Variants in DCC observed in about 807,000 individuals in gnomAD.
DCC encodes the protein DCC netrin 1 receptor.
A neutral mutation model predicts 172.5 loss-of-function variants in DCC; 58 were observed. The ratio of observed to expected loss-of-function variants is 0.34; its 90% CI spans 0.27 to 0.42. The LOEUF (loss-of-function observed/expected upper bound fraction) is 0.42. Among genes scored for constraint, DCC ranks in the 10% least tolerant of loss-of-function variants. The pLI, the probability that DCC is intolerant of heterozygous loss-of-function variation, is 1.00. For synonymous variants in DCC, 709 were observed against 644.5 expected (o/e 1.10, Z -1.52); for missense variants, 1,740 against 1,791.0 (o/e 0.97, Z 0.51).
rs543752965 is a variant in DCC at position 53,323,320 on chromosome 18, A to G, written c.2164+1163A>G. Among the ~76,000 whole-genome samples the G allele has an allele frequency of 3.1e-4, 47 of 152,212 alleles. 1 individual carries two copies. In the South Asian group the frequency reaches 7.5e-3, roughly 24 times the overall value. On this transcript the variant is annotated intron_variant, in intron 14 of 28. Coordinates refer to ENST00000442544, the MANE Select transcript of DCC (RefSeq NM_005215.4). Reference sequence around the variant, plus strand: ...TCACTATCATTAATGATTTTTCTATAGCCACAAATTTGGTTTTACTAAAAT... The same window carrying G: ...TCACTATCATTAATGATTTTTCTATGGCCACAAATTTGGTTTTACTAAAAT...
intron 3 of DCC, among the ~76,000 whole-genome samples, chr18:52,915,567 G>C (rs558504590): frequency 6.6e-6 from 1 of 152,238 alleles, no homozygotes; most frequent in South Asian, 2.1e-4. Flanking sequence ...CATGGGGCCT[G>C]ATGATAGTTG....
intron 12 of DCC, among the ~76,000 whole-genome samples, chr18:53,245,021 T>C (rs1033306825): frequency 2.0e-5 from 3 of 152,106 alleles, no homozygotes; most frequent in African/African-American, 7.2e-5. Flanking sequence ...GATCTTTAAA[T>C]TTTCTCACTT....
intron 2 of DCC, among the ~76,000 whole-genome samples, chr18:52,795,867 A>G (rs74565407): frequency 0.043 from 6,540 of 151,972 alleles, 220 homozygotes; most frequent in South Asian, 0.16. Context: ...GGACCATGTT[A>G]TTTAATTTCC....
chr18:52,425,664 A>G (rs1348516936), intron 1 of DCC, among the ~76,000 whole-genome samples: 1 of 152,134 alleles, frequency 6.6e-6, no homozygotes, highest in African/African-American at 2.4e-5. Flanking sequence ...CTGAAGTTGA[A>G]TAAGAAAAGA....
At chr18:52,808,117 T>A (rs1489518512) in intron 2 of DCC, among the ~76,000 whole-genome samples, 1 of 152,248 alleles carries the variant, frequency 6.6e-6, no homozygotes, top group Admixed American at 6.5e-5. Context: ...GTATGAGATT[T>A]CACAAGCTTA....
In DCC at chr18:53,193,933, A is replaced by T. The variant is rs552955710; in HGVS notation, c.1574-11283A>T. On this transcript the variant is annotated intron_variant, in intron 9 of 28. Coordinates refer to ENST00000442544, the MANE Select transcript of DCC (RefSeq NM_005215.4). ...TTACTTGCTTCCTTTTCCTCTAATA[A>T]ATGACAGCAGGGCTTTTTTATAAAA... 3.9e-5 allele frequency among the ~76,000 whole-genome samples: 6 copies of T among 152,274 alleles called. No individual in the cohort carries two copies. In the South Asian group the frequency reaches 8.3e-4, roughly 21 times the overall value.
At chr18:52,947,512 C>T (rs1302550199) in intron 5 of DCC, among the ~76,000 whole-genome samples, 1 of 152,152 alleles carries the variant, frequency 6.6e-6, no homozygotes, top group East Asian at 1.9e-4. Flanking sequence ...GAGGATGTTT[C>T]TATAAACTTT....
intron 10 of DCC, among the ~76,000 whole-genome samples, chr18:53,206,332 CATATATGTATATATGTATAT>C (rs2055635490): frequency 2.5e-5 from 2 of 81,306 alleles, no homozygotes; most frequent in Admixed American, 3.4e-4. Context: ...TATTGTAACA[CATATATGTATATATGTATAT>C]ATACATATAT....
intron 2 of DCC, among the ~76,000 whole-genome samples, chr18:52,846,421 T>C (rs145204217): frequency 0.021 from 3,207 of 152,122 alleles, 58 homozygotes; most frequent in Admixed American, 0.04. Flanking sequence ...CAAAATGTAT[T>C]GTCAGCTACT....
At chr18:52,542,169 T>TA (rs1204247494) in intron 1 of DCC, among the ~76,000 whole-genome samples, 1 of 151,658 alleles carries the variant, frequency 6.6e-6, no homozygotes, top group Non-Finnish European at 1.5e-5. Context: ...GTATAGTTTT[T>TA]ACTACAGAAT....
intron 8 of DCC, among the ~76,000 whole-genome samples, chr18:53,162,465 G>A (rs896757712): frequency 6.6e-6 from 1 of 152,102 alleles, no homozygotes; most frequent in Non-Finnish European, 1.5e-5. Flanking sequence ...ATAAGTTAGG[G>A]TATGTCATTC....
intron 5 of DCC, among the ~76,000 whole-genome samples, chr18:52,992,226 C>A (rs2041405238): frequency 6.6e-6 from 1 of 152,114 alleles, no homozygotes; most frequent in African/African-American, 2.4e-5. Context: ...ATCCCACCAC[C>A]CTAGTCAGTA....
At chr18:52,762,830 A>C (rs1007629267) in intron 2 of DCC, among the ~76,000 whole-genome samples, 5 of 152,204 alleles carry the variant, frequency 3.3e-5, no homozygotes, top group African/African-American at 1.2e-4. Context: ...CTTAAAAAAA[A>C]GATGGTCATA....
intron 2 of DCC, among the ~76,000 whole-genome samples, chr18:52,852,860 G>A (rs1389661785): frequency 6.6e-6 from 1 of 152,114 alleles, no homozygotes; most frequent in Non-Finnish European, 1.5e-5. Flanking sequence ...TACATATTTA[G>A]TATCTCATTT....
chr18:53,357,790 C>T (rs937170255), intron 15 of DCC, among the ~76,000 whole-genome samples: 1 of 152,104 alleles, frequency 6.6e-6, no homozygotes, highest in Non-Finnish European at 1.5e-5. Flanking sequence ...TACAGTGCAG[C>T]AATAGTGAAC....
At chr18:52,675,959 A>T (rs1302574455) in intron 1 of DCC, among the ~76,000 whole-genome samples, 2 of 152,182 alleles carry the variant, frequency 1.3e-5, no homozygotes, top group Admixed American at 1.3e-4. Context: ...CAAATGATTG[A>T]TCTTTTCTTG....
rs565702272 is a variant in DCC at position 53,530,136 on chromosome 18, T to C, written c.4255-428T>C. 2.7e-3 allele frequency among the ~76,000 whole-genome samples: 410 copies of C among 152,330 alleles called. 2 individuals are homozygous for C. The highest frequency in any genetic ancestry group is 9.5e-3 in the African/African-American group (394 of 41,574). ...GGAACAGGAGCTAATGTATTGAATA[T>C]CTACCATATGCCAGACCCTATCATG... On this transcript the variant is annotated intron_variant, in intron 28 of 28. Coordinates refer to ENST00000442544, the MANE Select transcript of DCC (RefSeq NM_005215.4).
At position 52,610,179 on chromosome 18, in the gene DCC, ATATATATATATATATATATATAT is replaced by A. The variant is rs1322802849; in HGVS notation, c.92-141874_92-141852del. Among the ~76,000 whole-genome samples, 58 of 8,746 alleles carry A rather than the reference ATATATATATATATATATATATAT, an allele frequency of 6.6e-3. 8 individuals are homozygous for A. The highest frequency in any genetic ancestry group is 0.032 in the African/African-American group (55 of 1,724). The allele number at this position is 8,746 out of a possible 152,430, so 5.7% of individuals were successfully genotyped here. ...AAAAAAAAAAAAAAAAAAAAAAAAA[ATATATATATATATATATATATAT>A]ATATATATATATATATATATATATA... On this transcript the variant is annotated intron_variant, in intron 1 of 28. Coordinates refer to ENST00000442544, the MANE Select transcript of DCC (RefSeq NM_005215.4).
intron 1 of DCC, among the ~76,000 whole-genome samples, chr18:52,605,459 A>G (rs1054650741): frequency 6.6e-6 from 1 of 152,128 alleles, no homozygotes; most frequent in Non-Finnish European, 1.5e-5. Flanking sequence ...TTAACTTGCC[A>G]TTTGTTCTGA....
Sources: gnomAD v4.1 joint callset for allele counts (sites outside exome capture counted in the v4.1 genomes callset) on GRCh38, gnomAD v4.1.1 for gene constraint, MANE v1.5 for transcripts, NCBI Gene and HGNC (gene_info 2026-07-23, HGNC 2026-07-21) for gene names.